Variants in TMEM164 observed in about 807,000 individuals in gnomAD.
TMEM164 encodes RP13-360B22.2.
TMEM164 carries 4 observed loss-of-function variants against 18.8 expected under a neutral mutation model. That is an observed-to-expected ratio of 0.21 (90% CI 0.10 to 0.49). The LOEUF (loss-of-function observed/expected upper bound fraction) is 0.49, where lower values mean the gene tolerates loss of function less well. Among genes scored for constraint, TMEM164 ranks in the 20% least tolerant of loss-of-function variants. The probability of loss-of-function intolerance (pLI) is 0.98; values close to 1 mark genes in which losing one functional copy is unlikely to be tolerated. For missense variants in TMEM164, 108 were observed against 239.9 expected (o/e 0.45, Z 3.63); for synonymous variants, 86 against 101.7 (o/e 0.85, Z 0.93).
chrX:110,020,295 A>T (rs2147714385), intron 2 of TMEM164: 1 of 668,953 alleles, frequency 1.5e-6, no homozygotes, highest in African/African-American at 2.4e-5. Context: ...CCAGATGAGG[A>T]AACTGTGGCT....
At chrX:110,080,854 G>T (rs2065743833) in intron 3 of TMEM164, among the ~76,000 whole-genome samples, 1 of 109,363 alleles carries the variant, frequency 9.1e-6, no homozygotes, top group Non-Finnish European at 1.9e-5. Flanking sequence ...AAGTAGCTGG[G>T]ACCACAGGTG....
intron 2 of TMEM164, among the ~76,000 whole-genome samples, chrX:110,004,996 C>T (rs1260059323): frequency 8.9e-6 from 1 of 111,742 alleles, no homozygotes. Flanking sequence ...GGGTGAGGAC[C>T]AAGAGTGAGA....
intron 3 of TMEM164, among the ~76,000 whole-genome samples, chrX:110,080,767 G>A (rs1250812457): frequency 9.0e-6 from 1 of 111,637 alleles, no homozygotes; most frequent in Non-Finnish European, 1.9e-5. Context: ...TGCCCAGGCT[G>A]GAGTGCAGTG....
downstream of TMEM164, among the ~76,000 whole-genome samples, chrX:110,179,746 G>A (rs2067316309): frequency 8.9e-6 from 1 of 111,842 alleles, no homozygotes; most frequent in African/African-American, 3.3e-5. Context: ...TTCATTACTG[G>A]TCTCTCTCCC....
chrX:110,080,754 T>C (rs2065742031), intron 3 of TMEM164, among the ~76,000 whole-genome samples: 1 of 111,978 alleles, frequency 8.9e-6, no homozygotes, highest in Non-Finnish European at 1.9e-5. Flanking sequence ...CGTTTTGCTC[T>C]GTTGCCCAGG....
chrX:110,084,413 G>GTATATATAGTA (rs1569321003), intron 3 of TMEM164, among the ~76,000 whole-genome samples: 17 of 8,766 alleles, frequency 1.9e-3, no homozygotes, highest in African/African-American at 4.2e-3. Flanking sequence ...TATATATAGT[G>GTATATATAGTA]TATATATATA....
intron 4 of TMEM164, among the ~76,000 whole-genome samples, chrX:110,124,995 A>G (rs757311792): frequency 8.9e-6 from 1 of 112,618 alleles, no homozygotes; most frequent in South Asian, 3.6e-4. Flanking sequence ...CCTTAAAATC[A>G]TCAAAGATAC....
At chrX:110,098,114 T>A (rs1487225030) in intron 3 of TMEM164, among the ~76,000 whole-genome samples, 3 of 112,341 alleles carry the variant, frequency 2.7e-5, no homozygotes, top group Non-Finnish European at 3.8e-5. Flanking sequence ...CTGCAATCAC[T>A]GTAGTTTTGT....
At position 110,033,582 on chromosome X, in the gene TMEM164, A is replaced by T. The variant is rs192063410; in HGVS notation, c.390+29418A>T. ...TCTAGCATCTGGAGGAAGCTTGTGG[A>T]TATAGAGGCTTTCTCTTAGAAAGAT... On this transcript the variant is annotated intron_variant, in intron 2 of 6. Coordinates refer to ENST00000372068, the MANE Select transcript of TMEM164 (RefSeq NM_032227.4). Among the ~76,000 whole-genome samples, 3 of 111,485 alleles carry T rather than the reference A, an allele frequency of 2.7e-5. No homozygotes were observed. In the East Asian group the frequency reaches 8.4e-4, roughly 31 times the overall value.
intron 4 of TMEM164, among the ~76,000 whole-genome samples, chrX:110,126,632 T>G (rs1052485850): frequency 2.7e-5 from 3 of 111,780 alleles, no homozygotes; most frequent in Non-Finnish European, 1.9e-5. Flanking sequence ...TTATAGTTTA[T>G]AGTTTAGATT....
intron 4 of TMEM164, among the ~76,000 whole-genome samples, chrX:110,132,373 C>T (rs1396980867): frequency 1.8e-5 from 2 of 111,499 alleles, no homozygotes; most frequent in Non-Finnish European, 3.8e-5. Flanking sequence ...TGCTGCTCCC[C>T]CAATCCTGCT....
intron 5 of TMEM164, among the ~76,000 whole-genome samples, chrX:110,149,136 C>T (rs2066904629): frequency 9.1e-6 from 1 of 110,291 alleles, no homozygotes. Context: ...CCCATAATAT[C>T]CATGAGATTG....
At chrX:110,148,877 G>A (rs936494479) in intron 5 of TMEM164, among the ~76,000 whole-genome samples, 4 of 110,272 alleles carry the variant, frequency 3.6e-5, no homozygotes, top group Non-Finnish European at 7.6e-5. Context: ...AGCCAATACA[G>A]ATGTTCAAAT....
intron 3 of TMEM164, among the ~76,000 whole-genome samples, chrX:110,090,774 A>G (rs941363559): frequency 4.5e-5 from 5 of 111,141 alleles, no homozygotes; most frequent in African/African-American, 1.6e-4. Flanking sequence ...TTTGTTACAT[A>G]TGTATACATG....
intron 4 of TMEM164, 140 bp from the exon 5 acceptor site, chrX:110,144,658 A>G: frequency 2.7e-6 from 1 of 372,241 alleles, no homozygotes; most frequent in African/African-American, 2.5e-5. Flanking sequence ...TTTTTCCTGC[A>G]ATTGTAAAGA....
At chrX:110,085,337 AT>A (rs138576886) in intron 3 of TMEM164, among the ~76,000 whole-genome samples, 30,270 of 75,065 alleles carry the variant, frequency 0.4, 6,449 homozygotes, top group African/African-American at 0.78. Flanking sequence ...ATTAAAAAAA[AT>A]ATATATATAT....
chrX:110,115,946 G>A (rs1268028999), intron 4 of TMEM164, among the ~76,000 whole-genome samples: 1 of 110,692 alleles, frequency 9.0e-6, no homozygotes, highest in African/African-American at 3.3e-5. Context: ...AAAATAGCTG[G>A]GCGTGGTGGC....
chrX:110,026,965 G>A (rs888773991), intron 2 of TMEM164, among the ~76,000 whole-genome samples: 1 of 111,440 alleles, frequency 9.0e-6, no homozygotes, highest in Non-Finnish European at 1.9e-5. Context: ...CTTGGCAATC[G>A]TACATAATCT....
At chrX:110,073,965 CCT>C (rs2065633593) in intron 3 of TMEM164, among the ~76,000 whole-genome samples, 2 of 110,822 alleles carry the variant, frequency 1.8e-5, no homozygotes, top group African/African-American at 6.6e-5. Flanking sequence ...GTAAACTCAT[CCT>C]CCCGGGTCCA....
Sources: allele counts gnomAD v4.1 joint callset (sites outside exome capture counted in the v4.1 genomes callset), GRCh38; gene constraint gnomAD v4.1.1; transcripts MANE v1.5; gene names NCBI Gene and HGNC (gene_info 2026-07-23, HGNC 2026-07-21).